The following GJC3 variants were observed in gnomAD, a reference collection of about 807,000 sequenced individuals.
GJC3 encodes the protein gap junction protein gamma 3, also known as gap junction gamma-3 protein.
GJC3 carries 17 observed loss-of-function variants against 19.8 expected under a neutral mutation model. That is an observed-to-expected ratio of 0.86 (90% CI 0.59 to 1.29). The LOEUF (loss-of-function observed/expected upper bound fraction) is 1.29. Among genes scored for constraint, GJC3 ranks in the 50% most tolerant of loss-of-function variants. The probability of loss-of-function intolerance (pLI) is 0.00; values close to 1 mark genes in which losing one functional copy is unlikely to be tolerated. For synonymous variants in GJC3, 140 were observed against 136.5 expected, an observed-to-expected ratio of 1.03 and a Z score of -0.18; for missense variants, 317 against 332.5, an observed-to-expected ratio of 0.95 and a Z score of 0.36.
upstream of GJC3, chr7:99,929,779 C>A: frequency 1.5e-6 from 1 of 678,390 alleles, no homozygotes; most frequent in Non-Finnish European, 2.6e-6. Context: ...TCTGATTGCA[C>A]CTCTTTACTA....
At chr7:99,925,658 A>G (rs1819784596) in intron 1 of GJC3, among the ~76,000 whole-genome samples, 2 of 152,218 alleles carry the variant, frequency 1.3e-5, no homozygotes, top group South Asian at 2.1e-4. Flanking sequence ...TACCCACAAT[A>G]TATAAAGAGC....
chr7:99,924,229 G>A (rs1184023542), intron 1 of GJC3, among the ~76,000 whole-genome samples: 1 of 152,140 alleles, frequency 6.6e-6, no homozygotes, highest in African/African-American at 2.4e-5. Context: ...TCCCTGTAAA[G>A]TTATTCTTTC....
At chr7:99,930,640 A>G (rs1257921339), upstream of GJC3, among the ~76,000 whole-genome samples, 2 of 152,200 alleles carry the variant, frequency 1.3e-5, no homozygotes, top group Non-Finnish European at 2.9e-5. Context: ...CCTCACACTC[A>G]GAAGACCATG....
chr7:99,925,162 T>C (rs1562784586), intron 1 of GJC3, among the ~76,000 whole-genome samples: 1 of 152,196 alleles, frequency 6.6e-6, no homozygotes, highest in Non-Finnish European at 1.5e-5. Flanking sequence ...GGATTATTTA[T>C]AACAAAGGCT....
intron 1 of GJC3, among the ~76,000 whole-genome samples, chr7:99,925,662 A>G (rs189138846): frequency 3.3e-4 from 51 of 152,368 alleles, no homozygotes; most frequent in African/African-American, 1.1e-3. Context: ...CACAATATAT[A>G]AAGAGCTCTT....
At chr7:99,924,870 G>A (rs546612543) in intron 1 of GJC3, among the ~76,000 whole-genome samples, 11 of 152,116 alleles carry the variant, frequency 7.2e-5, no homozygotes, top group African/African-American at 1.9e-4. Flanking sequence ...ACTTTCTACC[G>A]CTACAAAATC....
At chr7:99,929,874 G>A (rs925190304), upstream of GJC3, among the ~76,000 whole-genome samples, 2 of 152,176 alleles carry the variant, frequency 1.3e-5, no homozygotes, top group Admixed American at 6.5e-5. Context: ...TGTACTGCTG[G>A]AGTGGAGAGG....
intron 1 of GJC3, 118 bp downstream of exon 1, chr7:99,928,722 G>A (rs1819845510): frequency 5.4e-6 from 5 of 926,998 alleles, no homozygotes; most frequent in South Asian, 2.7e-5. Flanking sequence ...CCTAGAACCT[G>A]GTTACCTACT....
Position 99,929,260 on chromosome 7 carries a change from C to T in GJC3, c.361G>A (p.Gly121Ser), listed in dbSNP as rs778604674. Residue 121 changes from glycine to serine, a missense_variant, in exon 1 of 2, where the codon GGC becomes AGC. Physicochemically the swap from Gly to Ser is moderately conservative, Grantham distance 56 (BLOSUM62 0). Transcript: ENST00000312891. ...EEETLIQGRE[G>S]NTDVPGAGSL... The stretch of plus-strand genomic sequence containing the variant: ...CCAGCCCCTGGGACATCTGTGTTGC[C>T]CTCCCGTCCCTGGATCAGGGTCTCC... 9.3e-6 allele frequency: 15 copies of T among 1,614,148 alleles called. 1 individual carries two copies. The South Asian group carries it at 1.6e-4, about 18-fold the overall frequency.
intron 1 of GJC3, among the ~76,000 whole-genome samples, chr7:99,924,626 G>T (rs1490454154): frequency 1.3e-5 from 2 of 152,172 alleles, no homozygotes; most frequent in African/African-American, 2.4e-5. Context: ...TTGCGGTGGA[G>T]TATCTACATT....
At chr7:99,927,638 TA>T (rs71276829) in intron 1 of GJC3, among the ~76,000 whole-genome samples, 2,100 of 145,352 alleles carry the variant, frequency 0.014, 18 homozygotes, top group Middle Eastern at 0.071. Context: ...AGCGTTCTGT[TA>T]AAAAAAAAAA....
In GJC3 at chr7:99,929,061, T is replaced by A. The variant is rs1819852919; in HGVS notation, c.560A>T (p.Glu187Val). 1 of 1,613,900 alleles carries A rather than the reference T, an allele frequency of 6.2e-7. No individual in the cohort carries two copies. The highest frequency in any genetic ancestry group is 1.3e-5 in the African/African-American group (1 of 74,874). ...CATGGTCTTTAGGAAAATGGTCTTC[T>A]CAGAGGGGCGGGACAGATTGCAGGT... is the stretch of plus-strand genomic sequence containing the variant. ...SITCNLSRPS[E>V]KTIFLKTMFG... The change falls in exon 1 of 2, where the codon GAG becomes GTG. Residue 187 changes from glutamate (E) to valine (V), a missense_variant. Physicochemically the swap from Glu to Val is moderately radical, Grantham distance 121. Transcript: ENST00000312891.
intron 1 of GJC3, among the ~76,000 whole-genome samples, chr7:99,925,360 A>G (rs1053032922): frequency 1.3e-5 from 2 of 152,244 alleles, no homozygotes; most frequent in African/African-American, 4.8e-5. Flanking sequence ...ATAAAGTTTG[A>G]CATTTATCTT....
At chr7:99,923,674 C>T in intron 1 of GJC3, 71 bp from the exon 2 acceptor site, 2 of 755,604 alleles carry the variant, frequency 2.6e-6, no homozygotes, top group South Asian at 2.8e-5. Flanking sequence ...TACCCAAAAC[C>T]CAAGGACCCT....
chr7:99,923,948 C>G (rs1033217384), intron 1 of GJC3, among the ~76,000 whole-genome samples: 1 of 152,202 alleles, frequency 6.6e-6, no homozygotes, highest in African/African-American at 2.4e-5. Context: ...AGGAAAATCT[C>G]AACTCACGTT....
At chr7:99,923,626 A>G (rs751399476) in intron 1 of GJC3, 23 bp from the exon 2 acceptor site, 6 of 780,568 alleles carry the variant, frequency 7.7e-6, no homozygotes, top group Non-Finnish European at 1.2e-5. Context: ...AAAATTCAAG[A>G]TGTAACAGTT....
chr7:99,925,744 A>G (rs900478411), intron 1 of GJC3, among the ~76,000 whole-genome samples: 1 of 152,262 alleles, frequency 6.6e-6, no homozygotes, highest in Non-Finnish European at 1.5e-5. Context: ...CATTTCTCCA[A>G]AGAAGATATA....
intron 1 of GJC3, among the ~76,000 whole-genome samples, chr7:99,926,333 C>CAA (rs544473016): frequency 9.3e-5 from 9 of 97,234 alleles, no homozygotes; most frequent in Admixed American, 3.3e-4. Context: ...GACTCCATCC[C>CAA]AAAAAAAAAA....
chr7:99,928,316 T>C (rs987841119), intron 1 of GJC3, among the ~76,000 whole-genome samples: 2 of 152,352 alleles, frequency 1.3e-5, no homozygotes, highest in African/African-American at 2.4e-5. Context: ...AAAATTGTGA[T>C]GCTGACACCA....
Sources: gnomAD v4.1 joint callset for allele counts (sites outside exome capture counted in the v4.1 genomes callset) on GRCh38, gnomAD v4.1.1 for gene constraint, MANE v1.5 for transcripts, NCBI Gene and HGNC (gene_info 2026-07-23, HGNC 2026-07-21) for gene names.